The following PAPOLG variants were observed in gnomAD, a reference collection of about 807,000 sequenced individuals.
PAPOLG encodes the protein PAP-gamma.
A neutral mutation model predicts 99.0 loss-of-function variants in PAPOLG; 40 were observed. That is an observed-to-expected ratio of 0.40 (90% CI 0.31 to 0.53). The LOEUF (loss-of-function observed/expected upper bound fraction) is 0.53, where lower values mean the gene tolerates loss of function less well. PAPOLG is among the 20% of genes least tolerant of loss of function. PAPOLG has a pLI of 0.41. For synonymous variants in PAPOLG, 310 were observed against 299.3 expected, an observed-to-expected ratio of 1.04 and a Z score of -0.37; for missense variants, 675 against 884.1, an observed-to-expected ratio of 0.76 and a Z score of 3.00.
intron 8 of PAPOLG, among the ~76,000 whole-genome samples, chr2:60,776,036 T>G (rs2103788779): frequency 6.6e-6 from 1 of 152,322 alleles, no homozygotes; most frequent in East Asian, 1.9e-4. Flanking sequence ...GTGCTGGGAT[T>G]ACAGGCGTGA....
chr2:60,758,335 T>G (rs1164778289), intron 1 of PAPOLG, among the ~76,000 whole-genome samples: 3 of 149,192 alleles, frequency 2.0e-5, no homozygotes. Context: ...GGGGTTTTTT[T>G]TTTTTTTTTT....
At chr2:60,784,425 G>T (rs1463534690) in intron 13 of PAPOLG, among the ~76,000 whole-genome samples, 1 of 152,196 alleles carries the variant, frequency 6.6e-6, no homozygotes, top group Non-Finnish European at 1.5e-5. Context: ...GAAGTAGTGT[G>T]TTCTTTCTAG....
At position 60,779,916 on chromosome 2, in the gene PAPOLG, T is replaced by A. The variant is rs1293687021; in HGVS notation, c.833+141T>A. The A allele has an allele frequency of 6.9e-6, 5 of 725,724 alleles. No homozygotes were observed. In the South Asian group the frequency reaches 1.2e-4, roughly 17 times the overall value. The allele number at this position is 725,724 out of a possible 1,614,324, so 45.0% of individuals were successfully genotyped here. A position where few individuals can be genotyped will look rare whatever the true frequency, so the allele number is the denominator to read the frequency against. ...AGTTGAAAGTATAAAACATCAACTT[T>A]GAGGCAATGGTGGGACATCTAATTG... On this transcript the variant is annotated intron_variant, in intron 9 of 21. Transcript: ENST00000238714.
Position 60,795,111 on chromosome 2 carries a change from C to G in PAPOLG, c.2112+91C>G, listed in dbSNP as rs938444750. On this transcript the variant is annotated intron_variant, in intron 21 of 21. Coordinates refer to ENST00000238714, the MANE Select transcript of PAPOLG (RefSeq NM_022894.4). ...CAAAAGGCTTATTAAGAGCCTAGCACTGGGAAAAAGTAAGATTTTGTCCCT... is the reference window on the plus strand; with the variant it reads ...CAAAAGGCTTATTAAGAGCCTAGCAGTGGGAAAAAGTAAGATTTTGTCCCT... The G allele has an allele frequency of 1.4e-5, 16 of 1,154,274 alleles. No individual in the cohort carries two copies. In the East Asian group the frequency reaches 3.8e-4, roughly 27 times the overall value. The allele number at this position is 1,154,274 out of a possible 1,614,324, so 71.5% of individuals were successfully genotyped here. A position where few individuals can be genotyped will look rare whatever the true frequency, so the allele number is the denominator to read the frequency against.
At chr2:60,786,626 T>G (rs1309634745) in intron 13 of PAPOLG, among the ~76,000 whole-genome samples, 1 of 152,130 alleles carries the variant, frequency 6.6e-6, no homozygotes, top group Non-Finnish European at 1.5e-5. Context: ...CCTCCCAGTT[T>G]CACGTGATTC....
intron 1 of PAPOLG, among the ~76,000 whole-genome samples, chr2:60,758,687 C>A (rs1265498696): frequency 6.6e-6 from 1 of 151,964 alleles, no homozygotes; most frequent in Non-Finnish European, 1.5e-5. Flanking sequence ...CCTTGGCCTC[C>A]CAGAGTACTG....
chr2:60,764,268 T>C (rs1670607733), intron 3 of PAPOLG, among the ~76,000 whole-genome samples: 1 of 152,208 alleles, frequency 6.6e-6, no homozygotes, highest in Admixed American at 6.5e-5. Flanking sequence ...ATAGTTTTCC[T>C]ATCTTTGCCT....
chr2:60,776,010 G>A (rs987349479), intron 8 of PAPOLG, among the ~76,000 whole-genome samples: 3 of 152,212 alleles, frequency 2.0e-5, no homozygotes, highest in Non-Finnish European at 4.4e-5. Context: ...TGATCCGCTC[G>A]CCTCGGCCTC....
rs1671834437 is a variant in PAPOLG at position 60,801,627 on chromosome 2, TGG to T, written c.*4470_*4471del. 6.6e-6 allele frequency: 1 copy of T among 152,092 alleles called. No homozygotes were observed. Among genetic ancestry groups the T allele is most frequent in the Admixed American group, 6.6e-5 (1 of 15,258 alleles). 9.4% of individuals were successfully genotyped at this position (152,092 alleles called of 1,614,324 possible). The stretch of plus-strand genomic sequence containing the variant: ...TGGGCCTGGCTAATTTTTGTAGAGA[TGG>T]GGTTTCAACATGTTGGCCAGGCTGG... On this transcript the variant is annotated 3_prime_UTR_variant, in exon 22 of 22. Coordinates refer to ENST00000238714, the MANE Select transcript of PAPOLG (RefSeq NM_022894.4).
intron 11 of PAPOLG, 146 bp from the exon 12 acceptor site, chr2:60,782,540 G>C: frequency 7.8e-7 from 1 of 1,287,962 alleles, no homozygotes; most frequent in Non-Finnish European, 1.0e-6. Flanking sequence ...CTGGGTGACA[G>C]AGTGAGACTC....
intron 13 of PAPOLG, among the ~76,000 whole-genome samples, chr2:60,784,348 T>G (rs1671293936): frequency 6.6e-6 from 1 of 152,256 alleles, no homozygotes; most frequent in Admixed American, 6.5e-5. Context: ...CCTTTTAATT[T>G]AGGAGATAAT....
At chr2:60,777,697 C>A (rs989549798) in intron 8 of PAPOLG, among the ~76,000 whole-genome samples, 1 of 152,110 alleles carries the variant, frequency 6.6e-6, no homozygotes, top group Non-Finnish European at 1.5e-5. Context: ...ACGACTCTTT[C>A]TTTTACTTGA....
intron 2 of PAPOLG, 107 bp downstream of exon 2, chr2:60,760,402 CAAAA>C: frequency 9.0e-7 from 1 of 1,106,692 alleles, no homozygotes; most frequent in Non-Finnish European, 1.3e-6. Flanking sequence ...GCAGAAATGA[CAAAA>C]AGAAAAATCT....
intron 3 of PAPOLG, among the ~76,000 whole-genome samples, chr2:60,767,267 GA>G (rs149426858): frequency 0.019 from 2,926 of 152,252 alleles, 97 homozygotes; most frequent in African/African-American, 0.066. Flanking sequence ...AGTGGATCAG[GA>G]TACTTGAGTG....
intron 21 of PAPOLG, among the ~76,000 whole-genome samples, chr2:60,795,769 A>T (rs1478823589): frequency 6.6e-6 from 1 of 152,118 alleles, no homozygotes; most frequent in Admixed American, 6.5e-5. Flanking sequence ...TCCAGGATGT[A>T]GTAGCTATTC....
chr2:60,792,805 G>A (rs972322885), intron 17 of PAPOLG, among the ~76,000 whole-genome samples: 2 of 152,210 alleles, frequency 1.3e-5, no homozygotes, highest in Admixed American at 6.5e-5. Context: ...GGAGGCCAAG[G>A]CGGGCAGATC....
chr2:60,767,856 G>T (rs549905468), intron 3 of PAPOLG, among the ~76,000 whole-genome samples: 1 of 152,194 alleles, frequency 6.6e-6, no homozygotes, highest in African/African-American at 2.4e-5. Flanking sequence ...GTGATGAAGC[G>T]AAAGACAGGC....
intron 3 of PAPOLG, among the ~76,000 whole-genome samples, chr2:60,766,534 T>A (rs13411655): frequency 0.22 from 34,154 of 151,882 alleles, 4,284 homozygotes; most frequent in African/African-American, 0.32. Context: ...GGCACAGTGG[T>A]ACCTGTCTGT....
rs1671828041 is a variant in PAPOLG, at chr2:60,801,242, G to A, written c.*4082G>A. The A allele has an allele frequency of 6.6e-6, 1 of 151,572 alleles. No homozygotes were observed. The highest frequency in any genetic ancestry group is 1.5e-5 in the Non-Finnish European group (1 of 67,934). 9.4% of individuals were successfully genotyped at this position (151,572 alleles called of 1,614,324 possible). On this transcript the variant is annotated 3_prime_UTR_variant, in exon 22 of 22. Coordinates refer to ENST00000238714, the MANE Select transcript of PAPOLG (RefSeq NM_022894.4). ...ACTAAACAGACCAATAAATATAAAA[G>A]TGATAGTTTAGGGAAAAAAAAAAAC...
Sources: allele counts gnomAD v4.1 joint callset (sites outside exome capture counted in the v4.1 genomes callset), GRCh38; gene constraint gnomAD v4.1.1; transcripts MANE v1.5; gene names NCBI Gene and HGNC (gene_info 2026-07-23, HGNC 2026-07-21).